The following ABCC9 variants were observed in gnomAD, a reference collection of about 807,000 sequenced individuals.
ABCC9 encodes ATP binding cassette subfamily C member 9, also known as ATP-binding cassette sub-family C member 9.
In ABCC9, 95 loss-of-function variants were observed where a neutral mutation model predicts 188.3. The observed-to-expected ratio is 0.50, with a 90% CI of 0.43 to 0.60. The LOEUF (loss-of-function observed/expected upper bound fraction) is 0.60, where lower values mean the gene tolerates loss of function less well. Ranked by LOEUF, ABCC9 falls within the 20% of genes least tolerant of loss-of-function variation. The pLI is 0.00. For synonymous variants in ABCC9, 659 were observed against 652.7 expected (o/e 1.01, Z -0.15); for missense variants, 1,102 against 1,876.3 (o/e 0.59, Z 7.62).
At chr12:21,925,882 C>G (rs528515209) in intron 5 of ABCC9, 60 bp downstream of exon 5, 387 of 1,555,756 alleles carry the variant, frequency 2.5e-4, no homozygotes, top group Admixed American at 3.3e-4. Context: ...GAAAAATAAC[C>G]CTTTGGGGGG....
intron 31 of ABCC9, among the ~76,000 whole-genome samples, chr12:21,827,770 C>G (rs912838529): frequency 6.6e-6 from 1 of 152,178 alleles, no homozygotes; most frequent in Non-Finnish European, 1.5e-5. Context: ...TATCAGCAAC[C>G]AGTACTTCTG....
rs774236898 is a variant in ABCC9 at position 21,801,167 on chromosome 12, A to G, written c.4527T>C (p.Thr1509=). 3.7e-6 allele frequency: 6 copies of G among 1,613,842 alleles called. No homozygotes were observed. The highest frequency in any genetic ancestry group is 5.1e-6 in the Non-Finnish European group (6 of 1,179,922). The change falls in exon 40 of 40, where the codon ACT becomes ACC. Residue 1509 remains threonine, a synonymous_variant. Coordinates refer to ENST00000261200, the MANE Select transcript of ABCC9 (RefSeq NM_020297.4). ...TVVTIAHRVH[T]ILTADLVIVM... is the part of the protein sequence containing the mutation. Reference sequence around the variant, plus strand: ...CAATAACCAGGTCTGCCGTCAGAATAGTGTGTACTCGATGCTGTGAGTGAA... The same window carrying G: ...CAATAACCAGGTCTGCCGTCAGAATGGTGTGTACTCGATGCTGTGAGTGAA...
chr12:21,834,239 T>C (rs1239044926), intron 30 of ABCC9, among the ~76,000 whole-genome samples: 1 of 152,224 alleles, frequency 6.6e-6, no homozygotes, highest in Non-Finnish European at 1.5e-5. Context: ...GCCACTATCC[T>C]GATTTTTTGC....
chr12:21,848,115 A>G lies in ABCC9; in HGVS notation c.2866+35T>C, dbSNP rs373249240. Reference sequence around the variant, plus strand: ...AAAAACCCTCGCATCCTGTTATCCCATTAGAATGTTCCAGATAAAAGAAAA... The same window carrying G: ...AAAAACCCTCGCATCCTGTTATCCCGTTAGAATGTTCCAGATAAAAGAAAA... On this transcript the variant is annotated intron_variant, in intron 25 of 39. Coordinates refer to ENST00000261200, the MANE Select transcript of ABCC9 (RefSeq NM_020297.4). The G allele has an allele frequency of 4.9e-5, 77 of 1,583,232 alleles. 1 individual carries two copies. Among genetic ancestry groups the G allele is most frequent in the Middle Eastern group, 1.7e-4 (1 of 6,012 alleles).
chr12:21,830,083 G>C (rs1294487446), intron 30 of ABCC9, among the ~76,000 whole-genome samples: 2 of 152,076 alleles, frequency 1.3e-5, no homozygotes, highest in African/African-American at 4.8e-5. Context: ...TTTGGATATT[G>C]ATCTTCAGCA....
At chr12:21,830,672 A>G (rs1053851449) in intron 30 of ABCC9, among the ~76,000 whole-genome samples, 5 of 152,204 alleles carry the variant, frequency 3.3e-5, no homozygotes, top group African/African-American at 1.2e-4. Flanking sequence ...TCATTCCAAT[A>G]TGTCAAAAAA....
chr12:21,867,952 C>T (rs1167877672), intron 18 of ABCC9, among the ~76,000 whole-genome samples: 6 of 152,118 alleles, frequency 3.9e-5, no homozygotes, highest in Non-Finnish European at 1.5e-5. Flanking sequence ...GTTCTAGCTC[C>T]TAAGATATCA....
At chr12:21,810,594 T>C (rs1942169098) in intron 36 of ABCC9, among the ~76,000 whole-genome samples, 2 of 152,034 alleles carry the variant, frequency 1.3e-5, no homozygotes, top group Admixed American at 1.3e-4. Flanking sequence ...TCAGATCTCA[T>C]GAGAACTCAC....
chr12:21,883,720 T>G (rs551022497), intron 15 of ABCC9, among the ~76,000 whole-genome samples: 303 of 8,858 alleles, frequency 0.034, no homozygotes, highest in Non-Finnish European at 0.048. Context: ...AGCATAAAGA[T>G]CTAGATTTTT....
intron 30 of ABCC9, among the ~76,000 whole-genome samples, chr12:21,837,376 G>C (rs1403695905): frequency 6.6e-6 from 1 of 151,960 alleles, no homozygotes; most frequent in African/African-American, 2.4e-5. Flanking sequence ...AAATTTCGTA[G>C]GTTAGAAAAA....
At chr12:21,911,162 T>C (rs1948306594) in intron 8 of ABCC9, among the ~76,000 whole-genome samples, 184 bp from the exon 9 acceptor site, 1 of 151,868 alleles carries the variant, frequency 6.6e-6, no homozygotes, top group Non-Finnish European at 1.5e-5. Flanking sequence ...TAATGAGTGA[T>C]GGAAATGCCT....
rs74599765 is a variant in ABCC9 at position 21,931,494 on chromosome 12, A to C, written c.284+2288T>G. Among the ~76,000 whole-genome samples the C allele has an allele frequency of 5.1e-3, 774 of 152,202 alleles. 5 individuals carry two copies. The highest frequency in any genetic ancestry group is 0.018 in the African/African-American group (743 of 41,532). ...TACCTAAAGAGTAGAAGAGCATAAC[A>C]CAGAATCAAGGCTGTATTTTTACCT... On this transcript the variant is annotated intron_variant, in intron 4 of 39. Transcript: ENST00000261200.
intron 25 of ABCC9, among the ~76,000 whole-genome samples, chr12:21,847,260 G>T (rs1158062471): frequency 6.6e-6 from 1 of 152,086 alleles, no homozygotes; most frequent in African/African-American, 2.4e-5. Context: ...TAGCCCATTA[G>T]AAATAATTTA....
In ABCC9 at chr12:21,797,863, A is replaced by C. The variant is rs1414318816; in HGVS notation, c.*3181T>G. The C allele has an allele frequency of 6.6e-6, 1 of 152,204 alleles. No individual in the cohort carries two copies. The highest frequency in any genetic ancestry group is 1.9e-4 in the East Asian group (1 of 5,198). 9.4% of individuals were successfully genotyped at this position (152,204 alleles called of 1,614,324 possible). Reference sequence around the variant, plus strand: ...TTTATTGCTTCTTATGAGATTAAGGAGTTATGATTTAAAAATTGATTTGAC... The same window carrying C: ...TTTATTGCTTCTTATGAGATTAAGGCGTTATGATTTAAAAATTGATTTGAC... On this transcript the variant is annotated 3_prime_UTR_variant, in exon 40 of 40. Coordinates refer to ENST00000261200, the MANE Select transcript of ABCC9 (RefSeq NM_020297.4).
At chr12:21,918,030 TAA>T (rs10563250) in intron 5 of ABCC9, among the ~76,000 whole-genome samples, 34,321 of 149,134 alleles carry the variant, frequency 0.23, 4,706 homozygotes, top group African/African-American at 0.37. Flanking sequence ...ATGGATTCAT[TAA>T]AAAAAAAAAC....
chr12:21,867,018 G>C (rs909743593), intron 18 of ABCC9, among the ~76,000 whole-genome samples: 1 of 151,988 alleles, frequency 6.6e-6, no homozygotes, highest in African/African-American at 2.4e-5. Flanking sequence ...AAGCAAAACA[G>C]CACATAGGGG....
intron 20 of ABCC9, among the ~76,000 whole-genome samples, chr12:21,862,248 A>T (rs1945555355): frequency 6.6e-6 from 1 of 152,138 alleles, no homozygotes; most frequent in South Asian, 2.1e-4. Flanking sequence ...GAATCTGTAT[A>T]TATAGAATGC....
intron 31 of ABCC9, chr12:21,828,665 GA>G (rs901246996): frequency 7.4e-5 from 29 of 390,206 alleles, no homozygotes; most frequent in African/African-American, 1.0e-4. Flanking sequence ...TGCTCTTTTG[GA>G]AAAAAAAATT....
chr12:21,862,226 A>G (rs973593566), intron 20 of ABCC9, among the ~76,000 whole-genome samples: 2 of 152,118 alleles, frequency 1.3e-5, no homozygotes, highest in African/African-American at 4.8e-5. Context: ...ATATGTATAT[A>G]TGCACATATG....
Sources: gnomAD v4.1 joint callset for allele counts (sites outside exome capture counted in the v4.1 genomes callset) on GRCh38, gnomAD v4.1.1 for gene constraint, MANE v1.5 for transcripts, NCBI Gene and HGNC (gene_info 2026-07-23, HGNC 2026-07-21) for gene names.